AATK: variants seen among roughly 807,000 people sequenced by gnomAD.
AATK encodes serine/threonine-protein kinase LMTK1.
In AATK, 91 loss-of-function variants were observed where a neutral mutation model predicts 114.3. The observed-to-expected ratio is 0.80, with a 90% CI of 0.67 to 0.95. The LOEUF is 0.95. Ranked by LOEUF, AATK falls within the 40% of genes least tolerant of loss-of-function variation. The probability of loss-of-function intolerance (pLI) is 0.00; values close to 1 mark genes in which losing one functional copy is unlikely to be tolerated. For synonymous variants in AATK, 1,075 were observed against 916.5 expected, an observed-to-expected ratio of 1.17 and a Z score of -3.12; for missense variants, 2,176 against 1,965.2, an observed-to-expected ratio of 1.11 and a Z score of -2.03.
chr17:81,136,675 C>T (rs911665224), intron 1 of AATK, among the ~76,000 whole-genome samples: 6 of 152,218 alleles, frequency 3.9e-5, no homozygotes, highest in South Asian at 2.1e-4. Context: ...TTCAGCACCA[C>T]GTGCTGACTC....
At chr17:81,125,840 C>T (rs1199398850) in intron 7 of AATK, 1 of 461,306 alleles carries the variant, frequency 2.2e-6, no homozygotes, top group Non-Finnish European at 4.5e-6. Flanking sequence ...GGGGGCAGGG[C>T]AGCTGGGGCC....
chr17:81,152,279 A>T (rs2061308795), intron 1 of AATK, among the ~76,000 whole-genome samples: 1 of 152,114 alleles, frequency 6.6e-6, no homozygotes, highest in South Asian at 2.1e-4. Context: ...TCAGTCTCAA[A>T]AAAAATAAAA....
Position 81,122,163 on chromosome 17 carries a change from G to A in AATK, c.1773C>T (p.Gly591=), listed in dbSNP as rs754075329. 39 of 1,515,514 alleles carry A rather than the reference G, an allele frequency of 2.6e-5. No homozygotes were observed. Among genetic ancestry groups the A allele is most frequent in the East Asian group, 2.2e-4 (9 of 40,558 alleles). The allele number at this position is 1,515,514 out of a possible 1,614,324, so 93.9% of individuals were successfully genotyped here. The change falls in exon 11 of 14, where the codon GGC becomes GGT. Residue 591 remains glycine (G), a synonymous_variant. Coordinates refer to ENST00000326724, the MANE Select transcript of AATK (RefSeq NM_001080395.3). ...GPPVDVPWGR[G]DHYPRRSLAR... ...CCAAGCTTCTGCGAGGGTAGTGGTC[G>A]CCGCGGCCCCAGGGGACGTCGACGG...
intron 13 of AATK, among the ~76,000 whole-genome samples, chr17:81,119,033 G>T (rs1172518548): frequency 6.6e-6 from 1 of 152,204 alleles, no homozygotes; most frequent in Non-Finnish European, 1.5e-5. Flanking sequence ...CGTGGGACCT[G>T]GGTCTGCAGG....
intron 1 of AATK, among the ~76,000 whole-genome samples, chr17:81,142,500 G>A (rs2061153642): frequency 6.6e-6 from 1 of 152,128 alleles, no homozygotes; most frequent in Admixed American, 6.5e-5. Context: ...TCAAACTCCT[G>A]GGTTCAATCA....
chr17:81,131,196 T>C lies in AATK; in HGVS notation c.199A>G (p.Asn67Asp), dbSNP rs769014489. The C allele has an allele frequency of 6.3e-7, 1 of 1,579,806 alleles. No individual in the cohort carries two copies. Among genetic ancestry groups the C allele is most frequent in the Non-Finnish European group, 8.6e-7 (1 of 1,165,850 alleles). ...GCTGCGTACTCGTCCCCCTCCGCAT[T>C]CTCAAACTCCTGCGGGCCGGGCCGG... The part of the protein sequence containing the change: ...KGGIGFKEFE[N>D]AEGDEYAADL... Residue 67 changes from asparagine (N) to aspartate (D), a missense_variant, in exon 3 of 14, where the codon AAT (asparagine) becomes GAT (aspartate). Physicochemically the swap from Asn to Asp is conservative, Grantham distance 23. Transcript: ENST00000326724.
intron 13 of AATK, among the ~76,000 whole-genome samples, 153 bp downstream of exon 13, chr17:81,119,225 GGT>G (rs879358386): frequency 0.053 from 7,346 of 137,704 alleles, 347 homozygotes; most frequent in East Asian, 0.08. Flanking sequence ...GTCCAGGCTA[GGT>G]CTGGGGCCGG....
At chr17:81,140,739 C>T (rs1276703807) in intron 1 of AATK, among the ~76,000 whole-genome samples, 3 of 61,390 alleles carry the variant, frequency 4.9e-5, no homozygotes, top group East Asian at 6.3e-4. Context: ...GCCGTGGGGC[C>T]GGGAGACCGT....
chr17:81,118,359 G>A lies in AATK; in HGVS notation c.*43C>T, dbSNP rs1435580397. 2 of 1,573,614 alleles carry A rather than the reference G, an allele frequency of 1.3e-6. No homozygotes were observed. Among genetic ancestry groups the A allele is most frequent in the Non-Finnish European group, 8.6e-7 (1 of 1,159,314 alleles). On this transcript the variant is annotated 3_prime_UTR_variant, in exon 14 of 14. Coordinates refer to ENST00000326724, the MANE Select transcript of AATK (RefSeq NM_001080395.3). ...CCATCCTCGCTGCTGCCTGGCAGGG[G>A]CTCCGGTGACGCCAGCCTTGAGGGG...
chr17:81,158,386 G>A (rs952865350), intron 1 of AATK, among the ~76,000 whole-genome samples: 1 of 152,216 alleles, frequency 6.6e-6, no homozygotes, highest in African/African-American at 2.4e-5. Context: ...TGAGCCTGGC[G>A]GTGTGCTGGT....
chr17:81,130,605 C>T (rs1275746101), intron 3 of AATK, among the ~76,000 whole-genome samples: 1 of 152,184 alleles, frequency 6.6e-6, no homozygotes. Context: ...ACCCGTGTCC[C>T]TGAAGGGCTG....
Position 81,120,851 on chromosome 17 carries a change from T to G in AATK, c.3085A>C (p.Ser1029Arg). ...RAPGPELGLP[S>R]TGQPSEQVCL... The stretch of plus-strand genomic sequence containing the variant: ...ACCTGCTCAGACGGCTGCCCAGTGC[T>G]CGGCAGGCCCAGCTCTGGCCCGGGG... Residue 1029 changes from serine (S) to arginine (R), a missense_variant, in exon 11 of 14, where the codon AGC becomes CGC. Ser to Arg is a moderately radical substitution (Grantham distance 110). Around this residue, in one of 4 missense-constraint regions of AATK, gnomAD observed 1,701 missense variants for 1,394.7 expected, o/e 1.22. Transcript: ENST00000326724. 2 of 1,579,134 alleles carry G rather than the reference T, an allele frequency of 1.3e-6. No individual in the cohort carries two copies. Among genetic ancestry groups the G allele is most frequent in the Non-Finnish European group, 1.7e-6 (2 of 1,162,782 alleles).
intron 1 of AATK, among the ~76,000 whole-genome samples, chr17:81,138,836 A>AC (rs987117827): frequency 1.4e-5 from 2 of 140,362 alleles, no homozygotes; most frequent in Non-Finnish European, 3.2e-5. Flanking sequence ...GCGCACACAC[A>AC]CCCCCACGCG....
chr17:81,123,373 G>A (rs972016042), intron 9 of AATK, 30 bp from the exon 10 acceptor site: 28 of 1,338,944 alleles, frequency 2.1e-5, no homozygotes, highest in Middle Eastern at 5.5e-4. Context: ...AGCCAGGGCT[G>A]GGCACAGCCT....
chr17:81,165,678 T>C, intron 1 of AATK: 1 of 1,510,440 alleles, frequency 6.6e-7, no homozygotes, highest in Non-Finnish European at 8.8e-7. Flanking sequence ...CGTGCCCCAG[T>C]TACCTGTGCC....
intron 1 of AATK, among the ~76,000 whole-genome samples, chr17:81,148,529 G>A (rs1042972367): frequency 7.9e-5 from 12 of 152,248 alleles, no homozygotes; most frequent in African/African-American, 2.4e-4. Flanking sequence ...CCTCTAGAAC[G>A]ACCGGCTGGA....
intron 1 of AATK, among the ~76,000 whole-genome samples, chr17:81,143,023 C>A (rs2061160889): frequency 6.6e-6 from 1 of 152,244 alleles, no homozygotes; most frequent in South Asian, 2.1e-4. Flanking sequence ...CAGGCGTGGT[C>A]CAGGATGGCG....
Position 81,159,343 on chromosome 17 carries a change from C to T in AATK, c.55+6595G>A, listed in dbSNP as rs982593522. ...CAGCTGGGAGGGCGCCGGCGGCCTG[C>T]GAGTGACCGGCCAGGTAGCAGTCCT... On this transcript the variant is annotated intron_variant, in intron 1 of 13. Transcript: ENST00000326724. Among the ~76,000 whole-genome samples the T allele has an allele frequency of 2.6e-5, 4 of 151,912 alleles. 1 individual carries two copies. Among genetic ancestry groups the T allele is most frequent in the African/African-American group, 2.4e-5 (1 of 41,332 alleles).
intron 1 of AATK, among the ~76,000 whole-genome samples, chr17:81,156,298 A>G (rs1171345500): frequency 2.1e-5 from 3 of 142,212 alleles, no homozygotes; most frequent in Non-Finnish European, 3.0e-5. Context: ...GTATGTTACT[A>G]TGGCCTGTGT....
Sources: gnomAD v4.1 joint callset for allele counts (sites outside exome capture counted in the v4.1 genomes callset) on GRCh38, gnomAD v4.1.1 for gene constraint, gnomAD v4.1.1 regional missense constraint, MANE v1.5 for transcripts, NCBI Gene and HGNC (gene_info 2026-07-23, HGNC 2026-07-21) for gene names.